FAM216B: variants seen among roughly 807,000 people sequenced by gnomAD.
The protein encoded by FAM216B is family with sequence similarity 216 member B.
A neutral mutation model predicts 12.9 loss-of-function variants in FAM216B; 11 were observed. The ratio of observed to expected loss-of-function variants is 0.86; its 90% CI spans 0.54 to 1.42. FAM216B has a LOEUF of 1.42. FAM216B is among the 40% of genes most tolerant of loss of function. FAM216B has a pLI of 0.00. For synonymous variants in FAM216B, 52 were observed against 57.2 expected, an observed-to-expected ratio of 0.91 and a Z score of 0.41; for missense variants, 167 against 162.9, an observed-to-expected ratio of 1.02 and a Z score of -0.14.
At chr13:42,783,740 A>G (rs181672412) in intron 1 of FAM216B, among the ~76,000 whole-genome samples, 9 of 152,264 alleles carry the variant, frequency 5.9e-5, no homozygotes, top group Admixed American at 5.2e-4. Flanking sequence ...TCAAAAAATT[A>G]CTACTATAAA....
At chr13:42,782,391 A>T (rs531277603) in intron 1 of FAM216B, among the ~76,000 whole-genome samples, 48 of 152,346 alleles carry the variant, frequency 3.2e-4, no homozygotes, top group African/African-American at 1.1e-3. Flanking sequence ...TGCTGTCTTA[A>T]GGATGAGAGG....
At chr13:42,785,922 C>T (rs1245735126) in intron 2 of FAM216B, among the ~76,000 whole-genome samples, 6 of 152,168 alleles carry the variant, frequency 3.9e-5, no homozygotes, top group African/African-American at 1.4e-4. Flanking sequence ...GGAGCACCCC[C>T]TCCTCCTCCC....
At chr13:42,786,949 G>T (rs1566064699) in intron 3 of FAM216B, 66 bp downstream of exon 3, 1 of 1,589,400 alleles carries the variant, frequency 6.3e-7, no homozygotes, top group African/African-American at 1.4e-5. Flanking sequence ...GCCAGAAGTC[G>T]TTTCCAGATA....
In FAM216B at chr13:42,791,328, C is replaced by A. The variant is rs1178736259; in HGVS notation, c.*2538C>A. The A allele has an allele frequency of 6.6e-6, 1 of 152,122 alleles. No individual in the cohort carries two copies. The allele number at this position is 152,122 out of a possible 1,614,324, so 9.4% of individuals were successfully genotyped here. On this transcript the variant is annotated 3_prime_UTR_variant, in exon 4 of 4. Coordinates refer to ENST00000313851, the MANE Select transcript of FAM216B (RefSeq NM_001318932.2). ...GGAATATCCTGCTATATAGTTGGCT[C>A]TCAGTACATATGGTGTCAGCTCATG... is the stretch of plus-strand genomic sequence containing the variant.
intron 1 of FAM216B, among the ~76,000 whole-genome samples, 155 bp from the exon 2 acceptor site, chr13:42,783,899 T>G (rs1873954036): frequency 6.6e-6 from 1 of 152,152 alleles, no homozygotes; most frequent in African/African-American, 2.4e-5. Flanking sequence ...TCTGGTGATG[T>G]CCAATTACTT....
chr13:42,784,228 G>T, intron 2 of FAM216B, 62 bp downstream of exon 2: 3 of 1,185,494 alleles, frequency 2.5e-6, no homozygotes, highest in East Asian at 2.5e-5. Context: ...TCTCCTTCAA[G>T]GTTTGAGGAC....
chr13:42,786,655 G>A, intron 2 of FAM216B, 108 bp from the exon 3 acceptor site: 3 of 1,318,938 alleles, frequency 2.3e-6, no homozygotes, highest in Non-Finnish European at 1.0e-6. Flanking sequence ...AAAACATATG[G>A]TTAGCAAGAA....
intron 1 of FAM216B, 68 bp from the exon 2 acceptor site, chr13:42,783,986 C>A: frequency 2.1e-6 from 2 of 936,990 alleles, no homozygotes; most frequent in South Asian, 3.3e-5. Context: ...TACTTATTTA[C>A]TTAAGTACAT....
In FAM216B at chr13:42,791,499, A is replaced by T. The variant is rs1197497136; in HGVS notation, c.*2709A>T. 6.6e-6 allele frequency: 1 copy of T among 152,214 alleles called. No individual in the cohort carries two copies. Among genetic ancestry groups the T allele is most frequent in the Non-Finnish European group, 1.5e-5 (1 of 68,040 alleles). The allele number at this position is 152,214 out of a possible 1,614,324, so 9.4% of individuals were successfully genotyped here. ...TCTATGTGGCAGTTTAGAGTTTTTTAAAACAATTTTTATGTATAATTTATA... is the reference window on the plus strand; with the variant it reads ...TCTATGTGGCAGTTTAGAGTTTTTTTAAACAATTTTTATGTATAATTTATA... On this transcript the variant is annotated 3_prime_UTR_variant, in exon 4 of 4. Coordinates refer to ENST00000313851, the MANE Select transcript of FAM216B (RefSeq NM_001318932.2).
intron 3 of FAM216B, 124 bp downstream of exon 3, chr13:42,787,007 T>C: frequency 1.4e-6 from 2 of 1,415,132 alleles, no homozygotes; most frequent in South Asian, 1.4e-5. Context: ...TTTATCAACA[T>C]AGCTGGTTAG....
chr13:42,782,403 C>T (rs143002029), intron 1 of FAM216B, among the ~76,000 whole-genome samples: 19 of 152,302 alleles, frequency 1.2e-4, no homozygotes, highest in African/African-American at 4.6e-4. Flanking sequence ...GATGAGAGGG[C>T]TGAGGCTTAC....
At chr13:42,783,978 C>A in intron 1 of FAM216B, 76 bp from the exon 2 acceptor site, 1 of 821,778 alleles carries the variant, frequency 1.2e-6, no homozygotes, top group Non-Finnish European at 1.9e-6. Context: ...TACTTGCTTA[C>A]TTATTTACTT....
intron 2 of FAM216B, among the ~76,000 whole-genome samples, chr13:42,785,931 C>T (rs1874068899): frequency 1.3e-5 from 2 of 152,134 alleles, no homozygotes; most frequent in South Asian, 4.2e-4. Context: ...CCTCCTCCTC[C>T]CACCAATTAG....
Position 42,788,783 on chromosome 13 carries a change from G to A in FAM216B, c.413G>A (p.Arg138Lys). Reference protein sequence around the residue: ...RAQSKRRQVLRN With the variant: ...RAQSKRRQVLKN ...CAAAGTAAAAGGCGCCAAGTGCTCA[G>A]GAACTGAGACTTGGCAGCATTTTCA... is the stretch of plus-strand genomic sequence containing the variant. Residue 138 changes from arginine (R) to lysine (K), a missense_variant, in exon 4 of 4, where the codon AGG becomes AAG. By Grantham distance (26) the Arg-to-Lys change is conservative (BLOSUM62 2). Transcript: ENST00000313851. 6.2e-7 allele frequency: 1 copy of A among 1,607,110 alleles called. No individual in the cohort carries two copies. Among genetic ancestry groups the A allele is most frequent in the Non-Finnish European group, 8.5e-7 (1 of 1,176,712 alleles).
intron 1 of FAM216B, among the ~76,000 whole-genome samples, chr13:42,783,745 T>C (rs1873950180): frequency 6.6e-6 from 1 of 152,108 alleles, no homozygotes; most frequent in South Asian, 2.1e-4. Context: ...AAATTACTAC[T>C]ATAAAAATAG....
chr13:42,782,360 C>A (rs1169889875), intron 1 of FAM216B, among the ~76,000 whole-genome samples: 1 of 152,148 alleles, frequency 6.6e-6, no homozygotes, highest in East Asian at 1.9e-4. Context: ...ATCAAACACC[C>A]AGTGAGGTAG....
chr13:42,788,765 A>G lies in FAM216B; in HGVS notation c.395A>G (p.Lys132Arg). 6.2e-7 allele frequency: 1 copy of G among 1,613,052 alleles called. No individual in the cohort carries two copies. Among genetic ancestry groups the G allele is most frequent in the South Asian group, 1.1e-5 (1 of 90,908 alleles). ...GTGGTTCTACCTAGGGCCCAAAGTA[A>G]AAGGCGCCAAGTGCTCAGGAACTGA... ...VSVVLPRAQS[K>R]RRQVLRN Residue 132 changes from lysine (K) to arginine (R), a missense_variant, in exon 4 of 4, where the codon AAA becomes AGA. Transcript: ENST00000313851.
At chr13:42,786,532 AT>A (rs1168340214) in intron 2 of FAM216B, among the ~76,000 whole-genome samples, 1 of 151,972 alleles carries the variant, frequency 6.6e-6, no homozygotes, top group Admixed American at 6.6e-5. Flanking sequence ...ATTACCTAGA[AT>A]TTTTTACTCA....
At position 42,784,134 on chromosome 13, in the gene FAM216B, C is replaced by G; in HGVS notation, c.67C>G (p.Pro23Ala). Residue 23 changes from proline (P) to alanine (A), a missense_variant, in exon 2 of 4, where the codon CCT (proline) becomes GCT (alanine). Coordinates refer to ENST00000313851, the MANE Select transcript of FAM216B (RefSeq NM_001318932.2). ...NVPQLPFIRV[P>A]PSIYDTSLLK... Reference sequence around the variant, plus strand: ...TCCACAACTTCCTTTTATTCGAGTTCCTCCCTCCATCTATGACACTTCCTT... The same window carrying G: ...TCCACAACTTCCTTTTATTCGAGTTGCTCCCTCCATCTATGACACTTCCTT... 6.2e-7 allele frequency: 1 copy of G among 1,603,806 alleles called. No homozygotes were observed.
Sources: gnomAD v4.1 joint callset for allele counts (sites outside exome capture counted in the v4.1 genomes callset) on GRCh38, gnomAD v4.1.1 for gene constraint, MANE v1.5 for transcripts, NCBI Gene and HGNC (gene_info 2026-07-23, HGNC 2026-07-21) for gene names.